Variants in DAB2IP observed in about 807,000 individuals in gnomAD.
DAB2IP encodes the protein DAB2 interacting protein.
In DAB2IP, 28 loss-of-function variants were observed where a neutral mutation model predicts 107.2. That is an observed-to-expected ratio of 0.26 (90% confidence interval 0.19 to 0.36). The LOEUF is 0.36. Ranked by LOEUF, DAB2IP falls within the 10% of genes least tolerant of loss-of-function variation. DAB2IP has a pLI of 1.00. For missense variants in DAB2IP, 1,400 were observed against 1,644.7 expected (o/e 0.85, Z 2.57); for synonymous variants, 755 against 706.4 (o/e 1.07, Z -1.09).
intron 1 of DAB2IP, among the ~76,000 whole-genome samples, chr9:121,579,558 C>T (rs537166827): frequency 6.6e-6 from 1 of 152,228 alleles, no homozygotes; most frequent in Admixed American, 6.5e-5. Context: ...CCTGGACCTT[C>T]TGCCTTGCCG....
chr9:121,737,175 C>A (rs1318907673), intron 3 of DAB2IP: 1 of 985,256 alleles, frequency 1.0e-6, no homozygotes, highest in Non-Finnish European at 1.2e-6. Context: ...TGACCCAGAC[C>A]TCTGTGCTCT....
chr9:121,585,926 A>G (rs1309667181), intron 1 of DAB2IP, among the ~76,000 whole-genome samples: 1 of 152,116 alleles, frequency 6.6e-6, no homozygotes, highest in Non-Finnish European at 1.5e-5. Flanking sequence ...TACGGATCTA[A>G]CTTGACCCGA....
intron 1 of DAB2IP, among the ~76,000 whole-genome samples, chr9:121,637,625 G>T (rs1228675316): frequency 1.3e-5 from 2 of 152,172 alleles, no homozygotes; most frequent in Non-Finnish European, 2.9e-5. Context: ...TGAGTAGGAG[G>T]CTCAGACCTG....
In DAB2IP at chr9:121,699,731, G is replaced by T. The variant is rs990413227; in HGVS notation, c.362+273G>T. Reference sequence around the variant, plus strand: ...GCGAGGCCGGGCGCGAAGTCCCCTCGCAGGGAAGTCCTGCCTCGCCTGTCC... The same window carrying T: ...GCGAGGCCGGGCGCGAAGTCCCCTCTCAGGGAAGTCCTGCCTCGCCTGTCC... On this transcript the variant is annotated intron_variant, in intron 3 of 15. Coordinates refer to ENST00000408936, the Ensembl canonical transcript of DAB2IP. The surrounding 1 kb of genome is among the most constrained non-coding windows in gnomAD (Gnocchi z 6.2). Among the ~76,000 whole-genome samples, 6 of 152,136 alleles carry T rather than the reference G, an allele frequency of 3.9e-5. No homozygotes were observed. The East Asian group carries it at 9.7e-4, about 25-fold the overall frequency.
At chr9:121,611,310 T>C (rs141836185) in intron 1 of DAB2IP, among the ~76,000 whole-genome samples, 117 of 152,136 alleles carry the variant, frequency 7.7e-4, no homozygotes, top group Middle Eastern at 6.8e-3. Context: ...GGAACAGAAA[T>C]CTGTTGATGG....
At position 121,759,387 on chromosome 9, in the gene DAB2IP, C is replaced by T. The variant is rs116420937; in HGVS notation, c.615+391C>T. On this transcript the variant is annotated intron_variant, in intron 5 of 15. Transcript: ENST00000408936. ...GTCCCAGGCTGGTGCCCTCTGTGTT[C>T]CCACTGCCCCTGGGCTCCCCCATTA... Among the ~76,000 whole-genome samples the T allele has an allele frequency of 6.5e-3, 984 of 152,286 alleles. 7 individuals are homozygous for T. Among genetic ancestry groups the T allele is most frequent in the African/African-American group, 0.023 (947 of 41,558 alleles).
In DAB2IP at chr9:121,613,205, T is replaced by A. The variant is rs539659989; in HGVS notation, c.40+45977T>A. Among the ~76,000 whole-genome samples the A allele has an allele frequency of 7.2e-5, 11 of 152,310 alleles. No individual in the cohort carries two copies. In the South Asian group the frequency reaches 2.3e-3, roughly 32 times the overall value. ...GGTGAGGTAATGTGTGTAAAGTGCT[T>A]AGCACAGAGCTGGCATGAAGTAGTG... On this transcript the variant is annotated intron_variant, in intron 1 of 16. Coordinates refer to the DAB2IP transcript ENST00000259371.
upstream of DAB2IP, among the ~76,000 whole-genome samples, chr9:121,646,625 C>T (rs1282286533): frequency 6.6e-6 from 1 of 151,772 alleles, no homozygotes; most frequent in Non-Finnish European, 1.5e-5. Flanking sequence ...TCACCACCAC[C>T]CACCCTCATC....
chr9:121,781,083 G>A (rs1172830033), intron 14 of DAB2IP, among the ~76,000 whole-genome samples: 5 of 152,152 alleles, frequency 3.3e-5, no homozygotes, highest in Non-Finnish European at 1.5e-5. Context: ...CGGGGGCAGG[G>A]TGGAAAAAGT....
intron 1 of DAB2IP, among the ~76,000 whole-genome samples, chr9:121,567,835 G>A (rs543843828): frequency 1.2e-3 from 177 of 152,290 alleles, no homozygotes; most frequent in Non-Finnish European, 2.2e-3. Context: ...CTTCGTGGTG[G>A]TTTCTGCAGG....
intron 3 of DAB2IP, among the ~76,000 whole-genome samples, chr9:121,704,904 G>A (rs763528270): frequency 6.6e-6 from 1 of 152,168 alleles, no homozygotes; most frequent in Non-Finnish European, 1.5e-5. Context: ...GCCAGGCATT[G>A]GAACCAGATC....
chr9:121,774,171 C>T (rs1488603647), intron 12 of DAB2IP, 89 bp from the exon 13 acceptor site: 1 of 1,395,546 alleles, frequency 7.2e-7, no homozygotes, highest in Non-Finnish European at 9.4e-7. Flanking sequence ...CCCAGAGTTG[C>T]TTGTCCTTGT....
chr9:121,567,428 C>G (rs1829831614), intron 1 of DAB2IP, among the ~76,000 whole-genome samples: 1 of 152,164 alleles, frequency 6.6e-6, no homozygotes, highest in African/African-American at 2.4e-5. Context: ...CGGGCAGCCC[C>G]TCAGACTCCA....
At chr9:121,644,237 A>G (rs948509532) in intron 1 of DAB2IP, among the ~76,000 whole-genome samples, 18 of 151,780 alleles carry the variant, frequency 1.2e-4, no homozygotes, top group Non-Finnish European at 1.2e-4. Context: ...GGGGAAGAGG[A>G]AGGAAACAAG....
At chr9:121,727,252 A>G (rs1229733744) in intron 3 of DAB2IP, among the ~76,000 whole-genome samples, 7 of 152,222 alleles carry the variant, frequency 4.6e-5, no homozygotes, top group Non-Finnish European at 1.0e-4. Flanking sequence ...CCTGAGCTGC[A>G]CTGCCCGCGG....
chr9:121,578,923 T>G (rs1830127888), intron 1 of DAB2IP, among the ~76,000 whole-genome samples: 1 of 151,760 alleles, frequency 6.6e-6, no homozygotes, highest in African/African-American at 2.4e-5. Context: ...ACTGGCATTG[T>G]GCAACTCAAC....
chr9:121,623,093 A>G (rs1026627157), intron 1 of DAB2IP, among the ~76,000 whole-genome samples: 8 of 151,974 alleles, frequency 5.3e-5, no homozygotes, highest in Non-Finnish European at 8.8e-5. Flanking sequence ...TAAGAGAGCA[A>G]TTTTGCTCTC....
intron 1 of DAB2IP, among the ~76,000 whole-genome samples, chr9:121,646,352 C>T (rs942554341): frequency 7.2e-5 from 11 of 152,158 alleles, no homozygotes; most frequent in Non-Finnish European, 1.6e-4. Context: ...CCAGCCTCCC[C>T]CATCTTCCTA....
At chr9:121,739,611 T>C (rs114640915) in intron 3 of DAB2IP, among the ~76,000 whole-genome samples, 1,747 of 152,104 alleles carry the variant, frequency 0.011, 31 homozygotes, top group African/African-American at 0.039. Context: ...TTGTGTTGGA[T>C]TGGATTCCAA....
Sources: allele counts gnomAD v4.1 joint callset (sites outside exome capture counted in the v4.1 genomes callset), GRCh38; gene constraint gnomAD v4.1.1; non-coding constraint Gnocchi (gnomAD v3.1); transcripts MANE v1.5; gene names NCBI Gene and HGNC (gene_info 2026-07-23, HGNC 2026-07-21).